The following SMARCA2 variants were observed in gnomAD, a reference collection of about 807,000 sequenced individuals.
SMARCA2 encodes the protein SWI/SNF related BAF chromatin remodeling complex subunit ATPase 2.
In SMARCA2, 61 loss-of-function variants were observed where a neutral mutation model predicts 199.8. The ratio of observed to expected loss-of-function variants is 0.31; its 90% CI spans 0.25 to 0.38. The LOEUF is 0.38. SMARCA2 is among the 10% of genes least tolerant of loss of function. SMARCA2 has a pLI of 1.00. For synonymous variants in SMARCA2, 935 were observed against 732.0 expected (o/e 1.28, Z -4.48); for missense variants, 1,344 against 2,012.2 (o/e 0.67, Z 6.35).
At chr9:2,053,808 A>T (rs1820233432) in intron 5 of SMARCA2, among the ~76,000 whole-genome samples, 1 of 152,222 alleles carries the variant, frequency 6.6e-6, no homozygotes, top group African/African-American at 2.4e-5. Context: ...CAGTAATAGT[A>T]TCCCAAGTGA....
intron 9 of SMARCA2, among the ~76,000 whole-genome samples, chr9:2,068,520 G>A (rs1206982815): frequency 6.6e-6 from 1 of 152,150 alleles, no homozygotes; most frequent in Non-Finnish European, 1.5e-5. Flanking sequence ...TAAACTTTAA[G>A]TGTTTTCGTA....
At chr9:2,073,087 T>C in intron 10 of SMARCA2, 125 bp from the exon 11 acceptor site, 1 of 1,151,754 alleles carries the variant, frequency 8.7e-7, no homozygotes, top group Non-Finnish European at 1.2e-6. Flanking sequence ...CATTAGGTAG[T>C]GAAATTTCCA....
intron 26 of SMARCA2, among the ~76,000 whole-genome samples, chr9:2,121,859 A>G (rs1486307434): frequency 2.0e-5 from 3 of 152,228 alleles, no homozygotes; most frequent in Non-Finnish European, 4.4e-5. Context: ...TTGCTAACAT[A>G]CAAACATTAA....
chr9:2,077,027 A>T (rs756965650), intron 13 of SMARCA2, among the ~76,000 whole-genome samples: 2 of 152,190 alleles, frequency 1.3e-5, no homozygotes, highest in Non-Finnish European at 2.9e-5. Context: ...CACTTTAGGG[A>T]CCCTTCCTCC....
At chr9:2,158,997 T>C (rs766988836) in intron 27 of SMARCA2, 3 of 1,611,512 alleles carry the variant, frequency 1.9e-6, no homozygotes, top group Non-Finnish European at 2.5e-6. Context: ...TTTGTGTGTT[T>C]CCTTGTAATT....
At chr9:2,154,750 A>C (rs1479485964) in intron 27 of SMARCA2, among the ~76,000 whole-genome samples, 1 of 152,206 alleles carries the variant, frequency 6.6e-6, no homozygotes, top group Non-Finnish European at 1.5e-5. Context: ...GTTGTATTTT[A>C]TCTGTCTTAA....
chr9:2,152,549 T>A (rs1428387773), intron 27 of SMARCA2, among the ~76,000 whole-genome samples: 1 of 151,396 alleles, frequency 6.6e-6, no homozygotes, highest in Non-Finnish European at 1.5e-5. Flanking sequence ...CGAGACTCCA[T>A]CTCAAAAATT....
chr9:2,049,807 A>AT (rs1353583973), intron 5 of SMARCA2, among the ~76,000 whole-genome samples: 8 of 152,070 alleles, frequency 5.3e-5, no homozygotes, highest in East Asian at 3.9e-4. Flanking sequence ...CAAATGAACC[A>AT]TTTTTTTTCT....
intron 26 of SMARCA2, among the ~76,000 whole-genome samples, chr9:2,121,059 C>T (rs956972852): frequency 6.6e-6 from 1 of 152,222 alleles, no homozygotes; most frequent in African/African-American, 2.4e-5. Context: ...AATAATTCAG[C>T]ACTGCTAAAG....
chr9:2,171,389 T>G (rs1826240150), intron 29 of SMARCA2, among the ~76,000 whole-genome samples: 2 of 152,228 alleles, frequency 1.3e-5, no homozygotes, highest in South Asian at 4.1e-4. Flanking sequence ...ATCGTGTATT[T>G]CAGAATGAAC....
chr9:2,039,812 GCAGCAA>G lies in SMARCA2; in HGVS notation c.708_713del (p.Gln237_Gln238del), dbSNP rs750984628. On this transcript the variant is annotated inframe_deletion, in exon 4 of 34. Coordinates refer to ENST00000349721, the MANE Select transcript of SMARCA2 (RefSeq NM_003070.5). The surrounding 1 kb of genome is among the most constrained non-coding windows in gnomAD (Gnocchi z 4.8). ...AGCAGCAGCAGCAGCAGCAGCAGCA[GCAGCAA>G]CAGCAGCCGCAGCAGCAGCCGCCGC... The G allele has an allele frequency of 3.7e-6, 6 of 1,606,046 alleles. No individual in the cohort carries two copies. The highest frequency in any genetic ancestry group is 3.3e-5 in the South Asian group (3 of 90,338).
rs1826107344 is a variant in SMARCA2 at position 2,169,237 on chromosome 9, C to G, written c.4200-1182C>G. Among the ~76,000 whole-genome samples the G allele has an allele frequency of 6.6e-6, 1 of 152,200 alleles. No homozygotes were observed. Among genetic ancestry groups the G allele is most frequent in the South Asian group, 2.1e-4 (1 of 4,826 alleles). ...CTGGCCTGGCAAGCTGCAGGGTGGA[C>G]TGCGTGCCCTGCCTCCAGTCTCTTC... On this transcript the variant is annotated intron_variant, in intron 28 of 33. Coordinates refer to ENST00000349721, the MANE Select transcript of SMARCA2 (RefSeq NM_003070.5). The surrounding 1 kb of genome is among the most constrained non-coding windows in gnomAD (Gnocchi z 6.5).
rs144419114 is a variant in SMARCA2 at position 2,092,753 on chromosome 9, A to C, written c.2884-3904A>C. On this transcript the variant is annotated intron_variant, in intron 19 of 33. Transcript: ENST00000349721. ...GCACCTCAGTTTTACATATGATTTA[A>C]ACAAAAATAGCTCCAGTGGCTCTCA... Among the ~76,000 whole-genome samples, 1,495 of 152,316 alleles carry C rather than the reference A, an allele frequency of 9.8e-3. 24 individuals are homozygous for C. Among genetic ancestry groups the C allele is most frequent in the African/African-American group, 0.034 (1,423 of 41,558 alleles).
chr9:2,052,916 CTG>C (rs1278744443), intron 5 of SMARCA2, among the ~76,000 whole-genome samples: 1 of 152,186 alleles, frequency 6.6e-6, no homozygotes, highest in Non-Finnish European at 1.5e-5. Context: ...CCTCCCAGCT[CTG>C]TACTCTGGCA....
At chr9:2,168,499 C>G (rs780722993) in intron 28 of SMARCA2, among the ~76,000 whole-genome samples, 1 of 152,166 alleles carries the variant, frequency 6.6e-6, no homozygotes, top group East Asian at 1.9e-4. Flanking sequence ...AAGGGCAGGG[C>G]TCTTATTTCA....
rs540345796 is a variant in SMARCA2 at position 2,087,204 on chromosome 9, G to A, written c.2769+133G>A. 9.3e-6 allele frequency: 10 copies of A among 1,077,778 alleles called. No individual in the cohort carries two copies. The South Asian group carries it at 1.1e-4, about 12-fold the overall frequency. The allele number at this position is 1,077,778 out of a possible 1,614,324, so 66.8% of individuals were successfully genotyped here. ...TGTTGTTTATTTTATGAAACCCATC[G>A]GTGGGTGGACATGGTCTTGTGGTGG... On this transcript the variant is annotated intron_variant, in intron 18 of 33. Coordinates refer to ENST00000349721, the MANE Select transcript of SMARCA2 (RefSeq NM_003070.5).
chr9:2,179,311 C>T (rs1169598825), intron 29 of SMARCA2, among the ~76,000 whole-genome samples: 1 of 152,180 alleles, frequency 6.6e-6, no homozygotes, highest in East Asian at 1.9e-4. Context: ...ATGATGGAAA[C>T]AACATATCCC....
chr9:2,143,377 C>T (rs2376307), intron 27 of SMARCA2, among the ~76,000 whole-genome samples: 109,706 of 152,122 alleles, frequency 0.72, 39,992 homozygotes, highest in African/African-American at 0.83. Flanking sequence ...TTCTATTTCA[C>T]AGAAAGAGTT....
chr9:2,081,755 C>T, intron 14 of SMARCA2, 77 bp from the exon 15 acceptor site: 3 of 1,342,288 alleles, frequency 2.2e-6, no homozygotes, highest in Admixed American at 1.8e-5. Flanking sequence ...TAAGAAGTCA[C>T]ACCCTCACTT....
Sources: gnomAD v4.1 joint callset for allele counts (sites outside exome capture counted in the v4.1 genomes callset) on GRCh38, gnomAD v4.1.1 for gene constraint, Gnocchi (gnomAD v3.1) non-coding constraint, MANE v1.5 for transcripts, NCBI Gene and HGNC (gene_info 2026-07-23, HGNC 2026-07-21) for gene names.